The following MCCC1 variants were observed in gnomAD, a reference collection of about 807,000 sequenced individuals.
The protein encoded by MCCC1 is methylcrotonyl-CoA carboxylase subunit 1, also known as methylcrotonoyl-CoA carboxylase subunit alpha, mitochondrial.
In MCCC1, 64 loss-of-function variants were observed where a neutral mutation model predicts 83.8. The observed-to-expected ratio is 0.76, with a 90% CI of 0.62 to 0.94. The LOEUF (loss-of-function observed/expected upper bound fraction) is 0.94. Ranked by LOEUF, MCCC1 falls within the 40% of genes least tolerant of loss-of-function variation. The pLI is 0.00. For missense variants in MCCC1, 807 were observed against 904.7 expected (o/e 0.89, Z 1.39); for synonymous variants, 322 against 315.4 (o/e 1.02, Z -0.22).
In MCCC1 at chr3:183,092,369, G is replaced by A. The variant is rs566015577; in HGVS notation, c.273+40C>T. On this transcript the variant is annotated intron_variant, in intron 3 of 18. Coordinates refer to ENST00000265594, the MANE Select transcript of MCCC1 (RefSeq NM_020166.5). ...GAACGAAAATACTGACACAGTAAAC[G>A]AATAAACGTAAGACGTGGCTTCCAA... 16 of 1,613,272 alleles carry A rather than the reference G, an allele frequency of 9.9e-6. No individual in the cohort carries two copies. In the East Asian group the frequency reaches 2.2e-4, roughly 22 times the overall value.
intron 14 of MCCC1, among the ~76,000 whole-genome samples, chr3:183,033,683 G>T (rs1198565380): frequency 1.3e-5 from 2 of 151,954 alleles, no homozygotes; most frequent in South Asian, 2.1e-4. Flanking sequence ...GGAAAAAGAG[G>T]TTTTTTTGGG....
intron 1 of MCCC1, among the ~76,000 whole-genome samples, chr3:183,106,752 C>G (rs1471520764): frequency 6.6e-6 from 1 of 152,140 alleles, no homozygotes; most frequent in African/African-American, 2.4e-5. Flanking sequence ...CCACCTTAGC[C>G]TCCCAAAGTG....
At chr3:183,106,419 A>T (rs1361605915) in intron 1 of MCCC1, among the ~76,000 whole-genome samples, 1 of 152,124 alleles carries the variant, frequency 6.6e-6, no homozygotes, top group Non-Finnish European at 1.5e-5. Flanking sequence ...TATAACTTCA[A>T]ACTTACAGAA....
chr3:183,113,643 C>T (rs929216393), intron 1 of MCCC1, among the ~76,000 whole-genome samples: 1 of 151,308 alleles, frequency 6.6e-6, no homozygotes, highest in Non-Finnish European at 1.5e-5. Context: ...GTCAAGGCTG[C>T]AATGAGCTGT....
chr3:183,114,983 C>CGTG (rs1452013684), intron 1 of MCCC1, among the ~76,000 whole-genome samples: 1 of 152,116 alleles, frequency 6.6e-6, no homozygotes, highest in African/African-American at 2.4e-5. Context: ...TCTCCCGGCT[C>CGTG]GTGGTGCTAA....
At chr3:183,052,084 TG>T in intron 9 of MCCC1, 74 bp downstream of exon 9, 1 of 1,375,590 alleles carries the variant, frequency 7.3e-7, no homozygotes, top group Non-Finnish European at 1.0e-6. Context: ...ATTTAAAAGT[TG>T]TGTTTCTCTT....
At chr3:183,093,627 C>T (rs762286475) in intron 2 of MCCC1, among the ~76,000 whole-genome samples, 2 of 152,052 alleles carry the variant, frequency 1.3e-5, no homozygotes, top group Non-Finnish European at 2.9e-5. Context: ...TCAATAGAAT[C>T]CATAGGCTCA....
intron 13 of MCCC1, among the ~76,000 whole-genome samples, chr3:183,036,071 G>A (rs976174147): frequency 6.8e-6 from 1 of 147,040 alleles, no homozygotes; most frequent in African/African-American, 2.5e-5. Context: ...GTGAGAACAT[G>A]CGGTGTTTGG....
At chr3:183,034,164 G>C (rs1273349789) in intron 13 of MCCC1, 87 bp from the exon 14 acceptor site, 9 of 974,620 alleles carry the variant, frequency 9.2e-6, no homozygotes, top group Non-Finnish European at 1.3e-5. Context: ...TAAAATGCAA[G>C]TGCTGGCCGG....
chr3:183,079,089 A>G lies in MCCC1; in HGVS notation c.370-6602T>C, dbSNP rs1486977692. Among the ~76,000 whole-genome samples the G allele has an allele frequency of 3.3e-5, 5 of 152,214 alleles. No individual in the cohort carries two copies. The East Asian group carries it at 9.6e-4, about 29-fold the overall frequency. ...ATTGTGAGAGTTACAATTGAAGATG[A>G]GATTTGGGTGGGGACACAGAACCAA... On this transcript the variant is annotated intron_variant, in intron 4 of 18. Transcript: ENST00000265594.
intron 15 of MCCC1, chr3:183,022,798 A>G: frequency 1.5e-5 from 6 of 411,032 alleles, no homozygotes; most frequent in Non-Finnish European, 1.7e-5. Flanking sequence ...CCATAGCACC[A>G]TAATGCTATA....
At chr3:183,058,512 C>G (rs115120615) in intron 7 of MCCC1, among the ~76,000 whole-genome samples, 43 of 152,164 alleles carry the variant, frequency 2.8e-4, no homozygotes, top group African/African-American at 9.6e-4. Flanking sequence ...GTCCTAGCCA[C>G]TCAGGAGGCT....
At position 183,064,435 on chromosome 3, in the gene MCCC1, C is replaced by A. The variant is rs1716087417; in HGVS notation, c.761+6564G>T. Among the ~76,000 whole-genome samples the A allele has an allele frequency of 1.3e-5, 2 of 152,198 alleles. No individual in the cohort carries two copies. The highest frequency in any genetic ancestry group is 2.9e-5 in the Non-Finnish European group (2 of 68,032). ...AAACGCCTCCCTTCCTGGCTTCCCT[C>A]GCTCCAGGAGACGCTTGGTGGGCAC... On this transcript the variant is annotated intron_variant, in intron 7 of 18. Transcript: ENST00000265594. This position sits in a 1 kb window ranked among gnomAD's most constrained non-coding sequence, Gnocchi z 4.5.
At chr3:183,054,279 G>A (rs563208490) in intron 8 of MCCC1, among the ~76,000 whole-genome samples, 2 of 148,406 alleles carry the variant, frequency 1.3e-5, no homozygotes, top group East Asian at 2.0e-4. Flanking sequence ...TCCGCCTCCC[G>A]GGTTCAGGCC....
Position 183,072,496 on chromosome 3 carries a change from G to T in MCCC1, c.370-9C>A. On this transcript the variant is annotated splice_polypyrimidine_tract_variant and intron_variant, in intron 4 of 18. Transcript: ENST00000265594. ...CATCCTGGATGGATAGCCTAGAAATGAGAAATAAAATAAAAAATTTACTCA... is the reference window on the plus strand; with the variant it reads ...CATCCTGGATGGATAGCCTAGAAATTAGAAATAAAATAAAAAATTTACTCA... 1 of 1,613,320 alleles carries T rather than the reference G, an allele frequency of 6.2e-7. No individual in the cohort carries two copies. The highest frequency in any genetic ancestry group is 8.5e-7 in the Non-Finnish European group (1 of 1,179,628).
Position 183,041,658 on chromosome 3 carries a change from G to C in MCCC1, c.1176C>G (p.Ser392Arg), listed in dbSNP as rs1214178066. The change falls in exon 11 of 19, where the codon AGC becomes AGG. Residue 392 changes from serine to arginine, a missense_variant. Transcript: ENST00000265594. Reference protein sequence around the residue: ...FEARIYAEDPSNNFMPVAGPL... With the variant: ...FEARIYAEDPRNNFMPVAGPL... ...GGCCTGCCACAGGCATGAAGTTATT[G>C]CTAGGATCTTCTGCATATATTCTAG... is the stretch of plus-strand genomic sequence containing the variant. The C allele has an allele frequency of 6.2e-7, 1 of 1,614,226 alleles. No individual in the cohort carries two copies. Among genetic ancestry groups the C allele is most frequent in the East Asian group, 2.2e-5 (1 of 44,886 alleles).
chr3:183,103,695 C>T (rs1202943512), upstream of MCCC1, among the ~76,000 whole-genome samples: 2 of 152,214 alleles, frequency 1.3e-5, no homozygotes, highest in African/African-American at 2.4e-5. Context: ...CCAGTGGGTC[C>T]GGCACTGGGG....
intron 1 of MCCC1, among the ~76,000 whole-genome samples, chr3:183,095,584 C>T (rs1181159902): frequency 6.6e-6 from 1 of 152,120 alleles, no homozygotes; most frequent in Non-Finnish European, 1.5e-5. Flanking sequence ...TATTACTCTC[C>T]TAATGAGAAA....
rs1249460530 is a variant in MCCC1 at position 183,071,224 on chromosome 3, C to G, written c.625G>C (p.Gly209Arg). The G allele has an allele frequency of 1.2e-6, 2 of 1,614,050 alleles. No homozygotes were observed. The highest frequency in any genetic ancestry group is 1.7e-6 in the Non-Finnish European group (2 of 1,180,030). ...CACAATCTTACTTTTCCTCCTCCACCCCGGACGGCTTTAATCATGACAGGA... is the reference window on the plus strand; with the variant it reads ...CACAATCTTACTTTTCCTCCTCCACGCCGGACGGCTTTAATCATGACAGGA... ...GYPVMIKAVR[G>R]GGGKGMRIVR... Residue 209 changes from glycine to arginine, a missense_variant, in exon 6 of 19, where the codon GGT (glycine) becomes CGT (arginine). By Grantham distance (125) the Gly-to-Arg change is moderately radical. Transcript: ENST00000265594.
Sources: allele counts gnomAD v4.1 joint callset (sites outside exome capture counted in the v4.1 genomes callset), GRCh38; gene constraint gnomAD v4.1.1; non-coding constraint Gnocchi (gnomAD v3.1); transcripts MANE v1.5; gene names NCBI Gene and HGNC (gene_info 2026-07-23, HGNC 2026-07-21).